The following ERC2 variants were observed in gnomAD, a reference collection of about 807,000 sequenced individuals.
ERC2 encodes the protein ELKS/RAB6-interacting/CAST family member 2, also known as ERC protein 2.
A neutral mutation model predicts 114.8 loss-of-function variants in ERC2; 42 were observed. The ratio of observed to expected loss-of-function variants is 0.37; its 90% CI spans 0.29 to 0.47. ERC2 has a LOEUF of 0.47. ERC2 is among the 20% of genes least tolerant of loss of function. ERC2 has a pLI of 0.99. For missense variants in ERC2, 939 were observed against 1,150.7 expected (o/e 0.82, Z 2.66); for synonymous variants, 454 against 425.5 (o/e 1.07, Z -0.82).
In ERC2 at chr3:56,118,636, C is replaced by CTTT. The variant is rs66888697; in HGVS notation, c.1473+20870_1473+20872dup. 1.4e-3 allele frequency among the ~76,000 whole-genome samples: 173 copies of CTTT among 127,870 alleles called. 3 individuals carry two copies. The highest frequency in any genetic ancestry group is 9.6e-3 in the East Asian group (43 of 4,470). 83.9% of individuals were successfully genotyped at this position (127,870 alleles called of 152,430 possible). On this transcript the variant is annotated intron_variant, in intron 6 of 17. Coordinates refer to ENST00000288221, the MANE Select transcript of ERC2 (RefSeq NM_015576.3). ...GGAAGTTCACACTAATATTCCTTTT[C>CTTT]TTTTTTTTTTTTTTTTTTGAGACAG...
At chr3:56,395,231 T>C (rs1267122584) in intron 2 of ERC2, among the ~76,000 whole-genome samples, 3 of 152,176 alleles carry the variant, frequency 2.0e-5, no homozygotes, top group Non-Finnish European at 2.9e-5. Flanking sequence ...TCTTTAATTA[T>C]ACTTTAAAAA....
intron 8 of ERC2, 43 bp from the exon 9 acceptor site, chr3:56,010,632 G>T: frequency 6.3e-7 from 1 of 1,594,086 alleles, no homozygotes. Flanking sequence ...GAACCCATCA[G>T]TGTATATGCC....
intron 17 of ERC2, among the ~76,000 whole-genome samples, chr3:55,517,262 GA>G (rs898707952): frequency 2.6e-5 from 4 of 151,890 alleles, no homozygotes; most frequent in African/African-American, 9.7e-5. Context: ...CCAACATGGT[GA>G]AACCCCGTCT....
intron 17 of ERC2, among the ~76,000 whole-genome samples, chr3:55,547,880 T>C (rs1444417140): frequency 6.6e-6 from 1 of 152,212 alleles, no homozygotes; most frequent in East Asian, 1.9e-4. Context: ...ACAGCAGAGC[T>C]GGACTAGTTG....
chr3:55,539,556 G>A (rs2054248964), intron 17 of ERC2, among the ~76,000 whole-genome samples: 1 of 150,406 alleles, frequency 6.6e-6, no homozygotes, highest in Non-Finnish European at 1.5e-5. Flanking sequence ...CCGAGTAGTT[G>A]GGACTACAGA....
chr3:55,975,188 T>C (rs2069486103), intron 12 of ERC2, among the ~76,000 whole-genome samples: 1 of 142,754 alleles, frequency 7.0e-6, no homozygotes, highest in Non-Finnish European at 1.5e-5. Context: ...TTGGAGTTGC[T>C]ATAAAAAAAA....
At chr3:55,538,367 G>A (rs547477773) in intron 17 of ERC2, among the ~76,000 whole-genome samples, 1 of 152,254 alleles carries the variant, frequency 6.6e-6, no homozygotes, top group Non-Finnish European at 1.5e-5. Flanking sequence ...AGGGCCAAAG[G>A]GGTTCCACCA....
chr3:56,305,189 T>A lies in ERC2; in HGVS notation c.658-8754A>T, dbSNP rs561042387. ...AAGAAGAGTAGTAAATTTGACAATG[T>A]TAAAATTAGGAATTTCTGTTCAACA... On this transcript the variant is annotated intron_variant, in intron 2 of 17. Transcript: ENST00000288221. Among the ~76,000 whole-genome samples the A allele has an allele frequency of 3.9e-5, 6 of 152,120 alleles. 1 individual carries two copies. In the South Asian group the frequency reaches 1.2e-3, roughly 32 times the overall value.
chr3:55,947,267 C>T (rs1005627219), intron 13 of ERC2, among the ~76,000 whole-genome samples: 1 of 125,454 alleles, frequency 8.0e-6, no homozygotes, highest in Non-Finnish European at 1.7e-5. Context: ...CCACCCTCAA[C>T]TATATCCACA....
intron 3 of ERC2, among the ~76,000 whole-genome samples, chr3:56,292,390 C>A (rs866832578): frequency 3.2e-5 from 4 of 126,162 alleles, no homozygotes; most frequent in Middle Eastern, 4.7e-3. Context: ...CTAGCCTGGG[C>A]AACATGGTGA....
chr3:56,427,928 G>T (rs74513044), intron 2 of ERC2, among the ~76,000 whole-genome samples: 2,156 of 152,264 alleles, frequency 0.014, 52 homozygotes, highest in African/African-American at 0.049. Context: ...TCCAGGATAA[G>T]CATATCCAAT....
chr3:56,421,002 C>T (rs1026268616), intron 2 of ERC2, among the ~76,000 whole-genome samples: 1 of 152,142 alleles, frequency 6.6e-6, no homozygotes, highest in East Asian at 1.9e-4. Flanking sequence ...TATAAAAGCG[C>T]CATGTGGGTC....
chr3:55,931,182 A>G (rs1473135498), intron 13 of ERC2, among the ~76,000 whole-genome samples: 3 of 152,214 alleles, frequency 2.0e-5, no homozygotes, highest in Non-Finnish European at 4.4e-5. Flanking sequence ...ACCATTGTGG[A>G]AGACAGTGTG....
intron 16 of ERC2, among the ~76,000 whole-genome samples, chr3:55,697,637 CA>C (rs2063001602): frequency 6.6e-6 from 1 of 152,210 alleles, no homozygotes; most frequent in African/African-American, 2.4e-5. Flanking sequence ...AACATATGAG[CA>C]TATGTGTCTC....
intron 2 of ERC2, among the ~76,000 whole-genome samples, chr3:56,356,766 C>T (rs1214769745): frequency 1.3e-5 from 2 of 152,212 alleles, no homozygotes; most frequent in South Asian, 2.1e-4. Flanking sequence ...GGATACCAGA[C>T]ATCAGAGCAG....
intron 7 of ERC2, among the ~76,000 whole-genome samples, chr3:56,065,870 A>T (rs1174651626): frequency 6.6e-6 from 1 of 152,146 alleles, no homozygotes; most frequent in East Asian, 1.9e-4. Flanking sequence ...CCTGCAAAGG[A>T]CATGATTTCA....
intron 2 of ERC2, among the ~76,000 whole-genome samples, chr3:56,391,424 C>T (rs535581940): frequency 6.6e-6 from 1 of 152,176 alleles, no homozygotes; most frequent in Non-Finnish European, 1.5e-5. Flanking sequence ...TCTGAGAAGA[C>T]TCTCACATCA....
intron 6 of ERC2, among the ~76,000 whole-genome samples, chr3:56,114,545 T>G (rs9814900): frequency 1.3e-5 from 2 of 152,110 alleles, no homozygotes; most frequent in South Asian, 4.1e-4. Context: ...AAGAGGGGGT[T>G]CCATTCAGTG....
intron 3 of ERC2, among the ~76,000 whole-genome samples, chr3:56,258,588 A>G (rs2052686448): frequency 6.6e-6 from 1 of 152,222 alleles, no homozygotes; most frequent in Non-Finnish European, 1.5e-5. Flanking sequence ...CGGGAGGCGG[A>G]GCTTGTAGTG....
Sources: gnomAD v4.1 joint callset for allele counts (sites outside exome capture counted in the v4.1 genomes callset) on GRCh38, gnomAD v4.1.1 for gene constraint, MANE v1.5 for transcripts, NCBI Gene and HGNC (gene_info 2026-07-23, HGNC 2026-07-21) for gene names.